The following EPB41L5 variants were observed in gnomAD, a reference collection of about 807,000 sequenced individuals.
EPB41L5 encodes the protein band 4.1-like protein 5.
A neutral mutation model predicts 106.6 loss-of-function variants in EPB41L5; 55 were observed. The ratio of observed to expected loss-of-function variants is 0.52; its 90% CI spans 0.42 to 0.65. The LOEUF (loss-of-function observed/expected upper bound fraction) is 0.65, where lower values mean the gene tolerates loss of function less well. Ranked by LOEUF, EPB41L5 falls within the 30% of genes least tolerant of loss-of-function variation. The pLI, the probability that EPB41L5 is intolerant of heterozygous loss-of-function variation, is 0.00. For missense variants in EPB41L5, 871 were observed against 882.1 expected, an observed-to-expected ratio of 0.99 and a Z score of 0.16; for synonymous variants, 297 against 306.7, an observed-to-expected ratio of 0.97 and a Z score of 0.33.
intron 3 of EPB41L5, among the ~76,000 whole-genome samples, chr2:120,054,140 A>G (rs1189369134): frequency 6.6e-6 from 1 of 151,994 alleles, no homozygotes; most frequent in Admixed American, 6.6e-5. Flanking sequence ...TTCGATTTGC[A>G]TTTCCCTAAT....
chr2:120,063,233 T>C (rs528804919), intron 3 of EPB41L5, among the ~76,000 whole-genome samples: 2 of 151,872 alleles, frequency 1.3e-5, no homozygotes, highest in Admixed American at 6.6e-5. Flanking sequence ...TCCCAGCTAC[T>C]TGAGAGGCTG....
intron 7 of EPB41L5, among the ~76,000 whole-genome samples, chr2:120,076,502 CGAG>C (rs1367398871): frequency 3.8e-4 from 38 of 100,346 alleles, no homozygotes; most frequent in Middle Eastern, 0.01. Flanking sequence ...TTTTTAGAGA[CGAG>C]GTCTTGCTAT....
At chr2:120,030,910 G>A (rs1317317554) in intron 2 of EPB41L5, among the ~76,000 whole-genome samples, 2 of 148,408 alleles carry the variant, frequency 1.3e-5, no homozygotes, top group African/African-American at 2.5e-5. Context: ...GAGTTTCGCT[G>A]TCATTGCCCA....
intron 16 of EPB41L5, among the ~76,000 whole-genome samples, chr2:120,126,876 T>C (rs1168362289): frequency 6.6e-6 from 1 of 152,220 alleles, no homozygotes; most frequent in Non-Finnish European, 1.5e-5. Flanking sequence ...AGAAGCCATC[T>C]TCAATATTAA....
chr2:120,167,160 T>A (rs1687449518), intron 22 of EPB41L5, among the ~76,000 whole-genome samples: 1 of 152,364 alleles, frequency 6.6e-6, no homozygotes, highest in Admixed American at 6.5e-5. Flanking sequence ...AACTGAATAC[T>A]GGGTGTGAGG....
At chr2:120,155,969 G>A (rs1158765427) in intron 20 of EPB41L5, among the ~76,000 whole-genome samples, 1 of 152,060 alleles carries the variant, frequency 6.6e-6, no homozygotes, top group Non-Finnish European at 1.5e-5. Flanking sequence ...GAGGCCCCAC[G>A]ACCACCACGG....
intron 2 of EPB41L5, among the ~76,000 whole-genome samples, chr2:120,029,207 C>T (rs1418934880): frequency 6.6e-6 from 1 of 152,056 alleles, no homozygotes; most frequent in Non-Finnish European, 1.5e-5. Context: ...CTCTGTTGCT[C>T]AGGTTGGAGT....
At chr2:120,125,301 C>T (rs1194570343) in intron 16 of EPB41L5, among the ~76,000 whole-genome samples, 2 of 152,146 alleles carry the variant, frequency 1.3e-5, no homozygotes, top group Non-Finnish European at 2.9e-5. Context: ...CATTCTTGCC[C>T]TGCCAAACAG....
intron 16 of EPB41L5, chr2:120,104,062 T>C (rs1355457035): frequency 1.3e-6 from 2 of 1,532,942 alleles, no homozygotes; most frequent in Non-Finnish European, 1.7e-6. Context: ...CCATCCAGGC[T>C]CTCTGCTGCC....
intron 2 of EPB41L5, among the ~76,000 whole-genome samples, chr2:120,026,867 T>A (rs929615741): frequency 7.9e-5 from 12 of 152,168 alleles, no homozygotes; most frequent in Admixed American, 7.2e-4. Flanking sequence ...CTAGGCTATA[T>A]AAAGAACACC....
At chr2:120,061,563 G>A (rs1347047210) in intron 3 of EPB41L5, among the ~76,000 whole-genome samples, 1 of 152,036 alleles carries the variant, frequency 6.6e-6, no homozygotes, top group Non-Finnish European at 1.5e-5. Flanking sequence ...CGTTGGGTGG[G>A]CTGGTCTCGA....
In EPB41L5 at chr2:120,079,636, A is replaced by G. The variant is rs137989373; in HGVS notation, c.803+1055A>G. On this transcript the variant is annotated intron_variant, in intron 10 of 24. Transcript: ENST00000263713. The stretch of plus-strand genomic sequence containing the variant: ...GGTACATTTTCTTGATCAGCTCGGA[A>G]GTCCTGGAACTCACAACTGGTATTA... Among the ~76,000 whole-genome samples, 454 of 152,294 alleles carry G rather than the reference A, an allele frequency of 3.0e-3. 8 individuals are homozygous for G. The highest frequency in any genetic ancestry group is 5.6e-4 in the Non-Finnish European group (38 of 68,014).
chr2:120,105,796 A>G lies in EPB41L5; in HGVS notation c.1337+4982A>G, dbSNP rs193189560. The G allele has an allele frequency of 5.1e-6, 5 of 985,322 alleles. No homozygotes were observed. The Admixed American group carries it at 3.1e-4, about 61-fold the overall frequency. The allele number at this position is 985,322 out of a possible 1,614,324, so 61.0% of individuals were successfully genotyped here. Reference sequence around the variant, plus strand: ...TTACATAGCTCAGATGATAATTGCTAAGTATTGTCATGGCTGATTTTTTTT... The same window carrying G: ...TTACATAGCTCAGATGATAATTGCTGAGTATTGTCATGGCTGATTTTTTTT... On this transcript the variant is annotated intron_variant, in intron 16 of 24. Coordinates refer to ENST00000263713, the MANE Select transcript of EPB41L5 (RefSeq NM_020909.4).
chr2:120,099,297 G>A (rs1683979929), intron 14 of EPB41L5, among the ~76,000 whole-genome samples: 1 of 145,700 alleles, frequency 6.9e-6, no homozygotes, highest in Non-Finnish European at 1.5e-5. Context: ...TCATCTTTGA[G>A]TTTTTATTTT....
chr2:120,151,695 C>A (rs1277602651), intron 20 of EPB41L5, among the ~76,000 whole-genome samples: 1 of 150,464 alleles, frequency 6.6e-6, no homozygotes, highest in Non-Finnish European at 1.5e-5. Context: ...TGGTTCACTG[C>A]AGCCTCTGCC....
In EPB41L5 at chr2:120,091,643, C is replaced by T; in HGVS notation, c.1132C>T (p.Arg378Ter). 4 of 1,612,788 alleles carry T rather than the reference C, an allele frequency of 2.5e-6. No homozygotes were observed. Among genetic ancestry groups the T allele is most frequent in the Non-Finnish European group, 3.4e-6 (4 of 1,179,024 alleles). ...ERRPSKRYSRRTLQMKACATK... is the reference protein window; with the variant it reads ...ERRPSKRYSR The stretch of plus-strand genomic sequence containing the variant: ...AAGGCCCAGCAAACGATATTCTAGA[C>T]GAACTCTACAAATGAAAGGTGAAGT... The change falls in exon 13 of 25, where the codon CGA becomes TGA. Residue 378 changes from arginine (R) to a stop codon, truncating the protein, a stop_gained. Transcript: ENST00000263713. LOFTEE classifies it high-confidence loss of function.
At chr2:120,161,351 C>T (rs1427977859) in intron 21 of EPB41L5, among the ~76,000 whole-genome samples, 1 of 148,594 alleles carries the variant, frequency 6.7e-6, no homozygotes, top group African/African-American at 2.5e-5. Context: ...GCACTCCAGC[C>T]TGAGTAATAC....
At chr2:120,019,335 G>T in intron 2 of EPB41L5, 71 bp downstream of exon 2, 1 of 1,419,518 alleles carries the variant, frequency 7.0e-7, no homozygotes, top group Non-Finnish European at 9.7e-7. Flanking sequence ...TAAAAGCTTT[G>T]TATTGGTAAC....
At chr2:120,109,674 C>T (rs536101504) in intron 16 of EPB41L5, among the ~76,000 whole-genome samples, 61 of 152,290 alleles carry the variant, frequency 4.0e-4, no homozygotes, top group Admixed American at 3.9e-3. Context: ...GAAGTATTCT[C>T]ATCAGAACAA....
Sources: allele counts gnomAD v4.1 joint callset (sites outside exome capture counted in the v4.1 genomes callset), GRCh38; gene constraint gnomAD v4.1.1; transcripts MANE v1.5; gene names NCBI Gene and HGNC (gene_info 2026-07-23, HGNC 2026-07-21).